TMEM67: variants seen among roughly 807,000 people sequenced by gnomAD.
TMEM67 encodes transmembrane protein 67, also known as meckelin.
In TMEM67, 124 loss-of-function variants were observed where a neutral mutation model predicts 136.6. The ratio of observed to expected loss-of-function variants is 0.91; its 90% confidence interval spans 0.78 to 1.05. The LOEUF (loss-of-function observed/expected upper bound fraction) is 1.05. Ranked by LOEUF, TMEM67 falls within the 50% of genes least tolerant of loss-of-function variation. The pLI is 0.00. For synonymous variants in TMEM67, 364 were observed against 390.5 expected (o/e 0.93, Z 0.80); for missense variants, 1,107 against 1,178.4 (o/e 0.94, Z 0.89).
At chr8:93,804,976 C>CT in intron 23 of TMEM67, 98 bp downstream of exon 23, 13 of 778,700 alleles carry the variant, frequency 1.7e-5, no homozygotes, top group Non-Finnish European at 2.4e-5. Flanking sequence ...TCATTGATAA[C>CT]TTTTTTTTCT....
At chr8:93,764,334 G>T (rs938878821) in intron 4 of TMEM67, among the ~76,000 whole-genome samples, 1 of 152,104 alleles carries the variant, frequency 6.6e-6, no homozygotes, top group Admixed American at 6.6e-5. Flanking sequence ...TACATAATTT[G>T]TATATAATCT....
intron 7 of TMEM67, among the ~76,000 whole-genome samples, chr8:93,772,980 G>A (rs1813390923): frequency 6.6e-6 from 1 of 152,124 alleles, no homozygotes; most frequent in African/African-American, 2.4e-5. Context: ...GAAAAAAACA[G>A]TCCTTCATGG....
chr8:93,817,861 C>G lies in TMEM67; in HGVS notation c.*1409C>G, dbSNP rs574967270. ...CAGTACAGGAATGCCTTTATAAAAG[C>G]TGCAGAGATAAATACATGTACTTAT... On this transcript the variant is annotated 3_prime_UTR_variant, in exon 28 of 28. Transcript: ENST00000453321. 1 of 152,190 alleles carries G rather than the reference C, an allele frequency of 6.6e-6. No individual in the cohort carries two copies. The highest frequency in any genetic ancestry group is 1.5e-5 in the Non-Finnish European group (1 of 68,042). The allele number at this position is 152,190 out of a possible 1,614,324, so 9.4% of individuals were successfully genotyped here. A position where few individuals can be genotyped will look rare whatever the true frequency, so the allele number is the denominator to read the frequency against.
intron 26 of TMEM67, among the ~76,000 whole-genome samples, chr8:93,813,241 C>A (rs2130793304): frequency 6.6e-6 from 1 of 152,038 alleles, no homozygotes; most frequent in Non-Finnish European, 1.5e-5. Context: ...TGCAGTGGCA[C>A]AATCTCGGCT....
intron 14 of TMEM67, among the ~76,000 whole-genome samples, chr8:93,788,735 A>G (rs1343696838): frequency 6.6e-6 from 1 of 152,180 alleles, no homozygotes; most frequent in African/African-American, 2.4e-5. Context: ...GCTAACATGA[A>G]CTAGAGGATG....
At chr8:93,829,370 C>CTG in the TMEM67 span, among the ~76,000 whole-genome samples, 630 of 149,606 alleles carry the variant, frequency 4.2e-3, 7 homozygotes, top group African/African-American at 0.015. Flanking sequence ...TGCTCTCTCT[C>CTG]TCTCTCTCTC....
Position 93,793,259 on chromosome 8 carries a change from G to A in TMEM67, c.1637G>A (p.Trp546Ter). ...VLASLLKTAG[W>*]KRRIGSPMID... ...GCATCTCTTTTGAAGACAGCAGGATGGAAGAGGCGCATTGGGAGTCCCATG... is the reference window on the plus strand; with the variant it reads ...GCATCTCTTTTGAAGACAGCAGGATAGAAGAGGCGCATTGGGAGTCCCATG... Residue 546 changes from tryptophan (W) to a stop codon, truncating the protein, a stop_gained, in exon 16 of 28, where the codon TGG (tryptophan) becomes TAG (stop). Coordinates refer to ENST00000453321, the MANE Select transcript of TMEM67 (RefSeq NM_153704.6). LOFTEE classifies it high-confidence loss of function. The A allele has an allele frequency of 6.2e-7, 1 of 1,614,128 alleles. No homozygotes were observed. The highest frequency in any genetic ancestry group is 8.5e-7 in the Non-Finnish European group (1 of 1,179,994).
the TMEM67 span, among the ~76,000 whole-genome samples, chr8:93,826,535 T>C: frequency 6.6e-6 from 1 of 152,172 alleles, no homozygotes; most frequent in Non-Finnish European, 1.5e-5. Flanking sequence ...GTTAGATACA[T>C]GTTTAATTGG....
intron 26 of TMEM67, among the ~76,000 whole-genome samples, chr8:93,811,503 T>G (rs1808697599): frequency 1.3e-5 from 2 of 152,332 alleles, no homozygotes; most frequent in Middle Eastern, 3.4e-3. Context: ...CTAAGGAATT[T>G]CACTCTATCC....
intron 16 of TMEM67, among the ~76,000 whole-genome samples, chr8:93,794,097 G>T (rs561980178): frequency 3.3e-5 from 5 of 152,080 alleles, no homozygotes; most frequent in African/African-American, 1.2e-4. Context: ...TCACCATGTT[G>T]TTCAGGCTGG....
intron 7 of TMEM67, 75 bp downstream of exon 7, chr8:93,772,726 G>C (rs1479377578): frequency 8.6e-7 from 1 of 1,167,440 alleles, no homozygotes; most frequent in Non-Finnish European, 1.2e-6. Flanking sequence ...GATAATAAAA[G>C]TTTTATTTCT....
chr8:93,760,196 A>T, intron 3 of TMEM67, among the ~76,000 whole-genome samples: 1 of 152,242 alleles, frequency 6.6e-6, no homozygotes, highest in East Asian at 1.9e-4. Flanking sequence ...CAGGAAAGTT[A>T]TATGAAAAGC....
At chr8:93,813,825 A>G (rs527687205) in intron 26 of TMEM67, among the ~76,000 whole-genome samples, 1 of 152,378 alleles carries the variant, frequency 6.6e-6, no homozygotes, top group East Asian at 1.9e-4. Flanking sequence ...AGTTGCTATC[A>G]TATGAAGTCA....
intron 11 of TMEM67, 24 bp from the exon 12 acceptor site, chr8:93,785,198 T>G: frequency 6.9e-7 from 1 of 1,443,474 alleles, no homozygotes; most frequent in Non-Finnish European, 9.7e-7. Context: ...TTTATGTGCT[T>G]TTATTTTTAA....
chr8:93,804,930 AT>A, intron 23 of TMEM67, 52 bp downstream of exon 23: 1 of 1,028,018 alleles, frequency 9.7e-7, no homozygotes. Context: ...GTGGATTCTT[AT>A]AAATGCTGGA....
chr8:93,831,300 T>C, the TMEM67 span, among the ~76,000 whole-genome samples: 13 of 152,290 alleles, frequency 8.5e-5, no homozygotes, highest in African/African-American at 3.1e-4. Context: ...AACAAGCACA[T>C]GTGAGTACAA....
At chr8:93,809,009 G>T (rs374460717) in intron 24 of TMEM67, 48 bp from the exon 25 acceptor site, 8 of 1,531,612 alleles carry the variant, frequency 5.2e-6, no homozygotes, top group Middle Eastern at 3.4e-4. Flanking sequence ...ATGTTTTTTA[G>T]ATACCAAGAA....
chr8:93,794,353 T>A (rs144081438), intron 16 of TMEM67, among the ~76,000 whole-genome samples: 173 of 152,352 alleles, frequency 1.1e-3, no homozygotes, highest in African/African-American at 3.9e-3. Flanking sequence ...GTTAACCTTT[T>A]ATTTTTATTA....
intron 7 of TMEM67, among the ~76,000 whole-genome samples, chr8:93,773,609 G>A (rs1264090931): frequency 6.6e-6 from 1 of 152,092 alleles, no homozygotes; most frequent in Non-Finnish European, 1.5e-5. Flanking sequence ...AGGGGCAAGA[G>A]AGAAAAAAAG....
Sources: gnomAD v4.1 joint callset for allele counts (sites outside exome capture counted in the v4.1 genomes callset) on GRCh38, gnomAD v4.1.1 for gene constraint, MANE v1.5 for transcripts, NCBI Gene and HGNC (gene_info 2026-07-23, HGNC 2026-07-21) for gene names.